The following SGSM2 variants were observed in gnomAD, a reference collection of about 807,000 sequenced individuals.
SGSM2 encodes RUN and TBC1 domain containing 1.
In SGSM2, 89 loss-of-function variants were observed where a neutral mutation model predicts 126.6. The observed-to-expected ratio is 0.70, with a 90% CI of 0.59 to 0.84. The LOEUF (loss-of-function observed/expected upper bound fraction) is 0.84, where lower values mean the gene tolerates loss of function less well. Ranked by LOEUF, SGSM2 falls within the 40% of genes least tolerant of loss-of-function variation. The pLI, the probability that SGSM2 is intolerant of heterozygous loss-of-function variation, is 0.00. For synonymous variants in SGSM2, 614 were observed against 574.3 expected (o/e 1.07, Z -0.99); for missense variants, 1,404 against 1,416.6 (o/e 0.99, Z 0.14).
At chr17:2,347,947 A>C (rs1329530395) in intron 2 of SGSM2, among the ~76,000 whole-genome samples, 2 of 152,268 alleles carry the variant, frequency 1.3e-5, no homozygotes, top group Non-Finnish European at 2.9e-5. Context: ...GGATTGGGGC[A>C]GACACCAGCC....
rs756427981 is a variant in SGSM2, at chr17:2,380,346, G to A, written c.*826G>A. On this transcript the variant is annotated 3_prime_UTR_variant, in exon 24 of 24. Coordinates refer to ENST00000268989, the MANE Select transcript of SGSM2 (RefSeq NM_014853.3). ...AATGCGACCGGAGCACTTGCTCTGA[G>A]GAATCCCAGGGTGACTCTGTCGGGG... The A allele has an allele frequency of 8.6e-6, 13 of 1,517,272 alleles. No individual in the cohort carries two copies. The highest frequency in any genetic ancestry group is 1.2e-5 in the Non-Finnish European group (13 of 1,130,112). 94.0% of individuals were successfully genotyped at this position (1,517,272 alleles called of 1,614,324 possible).
chr17:2,369,295 C>T (rs530353622), intron 12 of SGSM2, among the ~76,000 whole-genome samples: 11 of 152,320 alleles, frequency 7.2e-5, no homozygotes, highest in African/African-American at 2.4e-4. Context: ...CTCTCCCTCC[C>T]TCTTCCTCTC....
intron 22 of SGSM2, 52 bp downstream of exon 22, chr17:2,378,005 C>A: frequency 1.7e-6 from 2 of 1,163,770 alleles, no homozygotes; most frequent in Non-Finnish European, 2.6e-6. Flanking sequence ...TGAGAGATCC[C>A]TCTTCCCCCA....
At position 2,337,934 on chromosome 17, in the gene SGSM2, G is replaced by C. The variant is rs2064155469; in HGVS notation, c.57+189G>C. Among the ~76,000 whole-genome samples the C allele has an allele frequency of 1.3e-5, 2 of 151,978 alleles. No homozygotes were observed. ...GGAGGGCAGCGCCCCTCTGCCCGGG[G>C]GACCCGGCCGGCGCTCCCGGCTTGT... On this transcript the variant is annotated intron_variant, in intron 1 of 23. Transcript: ENST00000268989. The surrounding 1 kb of genome is among the most constrained non-coding windows in gnomAD (Gnocchi z 5.1).
intron 21 of SGSM2, chr17:2,377,344 C>A (rs760468299): frequency 2.9e-6 from 1 of 349,522 alleles, no homozygotes; most frequent in Non-Finnish European, 5.3e-6. Context: ...ATTAGCCGGG[C>A]GTGGTGGCAC....
chr17:2,363,403 G>T lies in SGSM2; in HGVS notation c.673-62G>T, dbSNP rs148251722. The T allele has an allele frequency of 2.8e-4, 455 of 1,604,376 alleles. No individual in the cohort carries two copies. Among genetic ancestry groups the T allele is most frequent in the Non-Finnish European group, 3.5e-4 (417 of 1,178,236 alleles). ...GAGAGGGTCAGCATGGAAGCGTGAG[G>T]GTTCCCAAGCCTTGAGGCCAGTTTC... On this transcript the variant is annotated intron_variant, in intron 6 of 23. Coordinates refer to ENST00000268989, the MANE Select transcript of SGSM2 (RefSeq NM_014853.3). The surrounding 1 kb of genome is among the most constrained non-coding windows in gnomAD (Gnocchi z 4.2).
intron 8 of SGSM2, 42 bp from the exon 9 acceptor site, chr17:2,364,554 C>T (rs1042869386): frequency 6.2e-6 from 10 of 1,600,170 alleles, no homozygotes; most frequent in Admixed American, 3.3e-5. Context: ...GGAAGGATGG[C>T]AGGTCTTTGG....
rs1341604862 is a variant in SGSM2 at position 2,366,993 on chromosome 17, C to A, written c.1289-278C>A. 1.7e-5 allele frequency: 7 copies of A among 408,744 alleles called. No homozygotes were observed. In the East Asian group the frequency reaches 2.8e-4, roughly 16 times the overall value. 25.3% of individuals were successfully genotyped at this position (408,744 alleles called of 1,614,324 possible). On this transcript the variant is annotated intron_variant, in intron 11 of 23. Coordinates refer to ENST00000268989, the MANE Select transcript of SGSM2 (RefSeq NM_014853.3). ...CCAGCCCATCCCAGACAGTCCCGGT[C>A]TTTCACATCCTCCCACCTCTGTTCT...
At chr17:2,374,899 CTTCTT>C (rs1400280211) in intron 17 of SGSM2, among the ~76,000 whole-genome samples, 1 of 152,158 alleles carries the variant, frequency 6.6e-6, no homozygotes, top group Non-Finnish European at 1.5e-5. Flanking sequence ...GTATGTGTCT[CTTCTT>C]TTCCTCGTGC....
rs1408679927 is a variant in SGSM2, at chr17:2,352,805, T to C, written c.134-8832T>C. Among the ~76,000 whole-genome samples, 18 of 113,090 alleles carry C rather than the reference T, an allele frequency of 1.6e-4. 1 individual carries two copies. The highest frequency in any genetic ancestry group is 6.0e-4 in the African/African-American group (17 of 28,432). 74.2% of individuals were successfully genotyped at this position (113,090 alleles called of 152,430 possible). ...TTTTTTTTTTTTTTTTGAGACGGAG[T>C]CTCGCTCTGTCGCCCAGGCTGGAGT... On this transcript the variant is annotated intron_variant, in intron 2 of 23. Coordinates refer to ENST00000268989, the MANE Select transcript of SGSM2 (RefSeq NM_014853.3).
At chr17:2,357,394 A>G (rs1330716168) in intron 2 of SGSM2, among the ~76,000 whole-genome samples, 1 of 152,184 alleles carries the variant, frequency 6.6e-6, no homozygotes, top group East Asian at 1.9e-4. Flanking sequence ...ACGAGTGGAT[A>G]AAGAAACTGA....
Position 2,376,250 on chromosome 17 carries a change from C to T in SGSM2, c.2598C>T (p.Asp866=), listed in dbSNP as rs774947542. ...FTPPNLERLR[D]VMCSYVWEHL... is the part of the protein sequence containing the mutation. Reference sequence around the variant, plus strand: ...CCCCCAACCTCGAGAGGCTCAGAGACGTCATGTGCAGGTGCCTTGTGGGGC... The same window carrying T: ...CCCCCAACCTCGAGAGGCTCAGAGATGTCATGTGCAGGTGCCTTGTGGGGC... The change falls in exon 19 of 24, where the codon GAC becomes GAT. Residue 866 remains aspartate (D), a synonymous_variant. Transcript: ENST00000268989. 50 of 1,613,184 alleles carry T rather than the reference C, an allele frequency of 3.1e-5. No individual in the cohort carries two copies. The Admixed American group carries it at 3.3e-4, about 11-fold the overall frequency.
Position 2,337,692 on chromosome 17 carries a change from G to C in SGSM2, c.4G>C (p.Gly2Arg). ...CGGCGCCGCCTCCTGCCACACCATG[G>C]GCAGCGCAGAGGACGCAGTCAAAGA... is the stretch of plus-strand genomic sequence containing the variant. M[G>R]SAEDAVKEKL... The change falls in exon 1 of 24, where the codon GGC becomes CGC. Residue 2 changes from glycine (G) to arginine (R), a missense_variant. By Grantham distance (125) the Gly-to-Arg change is moderately radical (BLOSUM62 -2). Transcript: ENST00000268989. The surrounding 1 kb of genome is among the most constrained non-coding windows in gnomAD (Gnocchi z 5.1). The C allele has an allele frequency of 6.6e-7, 1 of 1,521,470 alleles. No individual in the cohort carries two copies. Among genetic ancestry groups the C allele is most frequent in the Non-Finnish European group, 8.8e-7 (1 of 1,130,092 alleles). The allele number at this position is 1,521,470 out of a possible 1,614,324, so 94.2% of individuals were successfully genotyped here.
At position 2,363,742 on chromosome 17, in the gene SGSM2, C is replaced by A; in HGVS notation, c.807+143C>A. ...GCCCCAGCCTCCCAACTCCCTGTTT[C>A]ACACGACTCACGCCCAGCCTTTAGT... On this transcript the variant is annotated intron_variant, in intron 7 of 23. Transcript: ENST00000268989. The surrounding 1 kb of genome is among the most constrained non-coding windows in gnomAD (Gnocchi z 4.2). 8.1e-7 allele frequency: 1 copy of A among 1,240,002 alleles called. No homozygotes were observed. Among genetic ancestry groups the A allele is most frequent in the Non-Finnish European group, 1.1e-6 (1 of 901,902 alleles). 76.8% of individuals were successfully genotyped at this position (1,240,002 alleles called of 1,614,324 possible).
rs897374722 is a variant in SGSM2, at chr17:2,363,637, C to T, written c.807+38C>T. The T allele has an allele frequency of 2.5e-6, 4 of 1,604,422 alleles. No individual in the cohort carries two copies. The highest frequency in any genetic ancestry group is 3.4e-6 in the Non-Finnish European group (4 of 1,173,484). The stretch of plus-strand genomic sequence containing the variant: ...CATCCTGCCATCCCTCCCCGAAGGT[C>T]CCCGAACGAGACGACTGGAAGCCTC... On this transcript the variant is annotated intron_variant, in intron 7 of 23. Transcript: ENST00000268989. The surrounding 1 kb of genome is among the most constrained non-coding windows in gnomAD (Gnocchi z 4.2).
rs530289735 is a variant in SGSM2, at chr17:2,364,254, G to A, written c.932+71G>A. On this transcript the variant is annotated intron_variant, in intron 8 of 23. Coordinates refer to ENST00000268989, the MANE Select transcript of SGSM2 (RefSeq NM_014853.3). ...GTTTGACCTCAGGCAGAGGGATGGA[G>A]AAACCCCGCTTGCTCCAGGAGGCCA... 1.3e-3 allele frequency: 2,108 copies of A among 1,590,772 alleles called. 25 individuals carry two copies. Among genetic ancestry groups the A allele is most frequent in the Admixed American group, 2.0e-3 (118 of 58,922 alleles).
In SGSM2 at chr17:2,376,751, G is replaced by C; in HGVS notation, c.2628G>C (p.Leu876=). The change falls in exon 20 of 24, where the codon CTG becomes CTC. Residue 876 remains leucine (L), a synonymous_variant. Transcript: ENST00000268989. ...CTTTCAGCTACGTGTGGGAGCACCT[G>C]GACGTGGGCTATGTGCAGGGCATGT... ...DVMCSYVWEH[L]DVGYVQGMCD... 2 of 1,614,048 alleles carry C rather than the reference G, an allele frequency of 1.2e-6. No homozygotes were observed. Among genetic ancestry groups the C allele is most frequent in the Middle Eastern group, 1.7e-4 (1 of 6,060 alleles).
At chr17:2,379,309 C>A (rs748855766) in intron 23 of SGSM2, 106 bp downstream of exon 23, 1 of 1,563,566 alleles carries the variant, frequency 6.4e-7, no homozygotes, top group African/African-American at 1.4e-5. Context: ...GGGGGCCCTT[C>A]CCCAAAGGCC....
rs545494471 is a variant in SGSM2 at position 2,367,170 on chromosome 17, C to T, written c.1289-101C>T. ...CCCTCTTCTGTGCCCTGCAGATTCA[C>T]GATGACCCCGGCCTCCATTCCACTC... On this transcript the variant is annotated intron_variant, in intron 11 of 23. Coordinates refer to ENST00000268989, the MANE Select transcript of SGSM2 (RefSeq NM_014853.3). This position sits in a 1 kb window ranked among gnomAD's most constrained non-coding sequence, Gnocchi z 4.0. 4.9e-5 allele frequency: 66 copies of T among 1,342,762 alleles called. No homozygotes were observed. The highest frequency in any genetic ancestry group is 3.2e-4 in the African/African-American group (22 of 68,772). 83.2% of individuals were successfully genotyped at this position (1,342,762 alleles called of 1,614,324 possible).
Sources: gnomAD v4.1 joint callset for allele counts (sites outside exome capture counted in the v4.1 genomes callset) on GRCh38, gnomAD v4.1.1 for gene constraint, Gnocchi (gnomAD v3.1) non-coding constraint, MANE v1.5 for transcripts, NCBI Gene and HGNC (gene_info 2026-07-23, HGNC 2026-07-21) for gene names.